TPRX2: variants seen among roughly 807,000 people sequenced by gnomAD.
The protein encoded by TPRX2 is tetrapeptide repeat homeobox protein 2.
At chr19:47,859,998 G>T in the TPRX2 span, 1 of 742,002 alleles carries the variant, frequency 1.3e-6, no homozygotes, top group South Asian at 1.7e-5. Context: ...TGCTATCCGC[G>T]GTGCCGCCCC....
At chr19:47,860,786 C>T in the TPRX2 span, 4 of 1,537,052 alleles carry the variant, frequency 2.6e-6, no homozygotes, top group South Asian at 1.2e-5. Context: ...TTCTCCCTGT[C>T]CCCTCTGCCC....
At chr19:47,859,893 C>G in the TPRX2 span, among the ~76,000 whole-genome samples, 1 of 150,022 alleles carries the variant, frequency 6.7e-6, no homozygotes, top group African/African-American at 2.4e-5. Flanking sequence ...GAGGCGCCTA[C>G]GCTGCCTGCC....
the TPRX2 span, chr19:47,860,696 G>A: frequency 4.5e-6 from 6 of 1,328,040 alleles, no homozygotes; most frequent in Non-Finnish European, 6.1e-6. Context: ...TGCGGGGTGG[G>A]GGTGAACACC....
At chr19:47,860,903 GC>G in the TPRX2 span, 1 of 1,530,890 alleles carries the variant, frequency 6.5e-7, no homozygotes, top group African/African-American at 1.4e-5. Context: ...CCCGCGCTGC[GC>G]CCCTAGTCCC....
chr19:47,860,392 AG>A, the TPRX2 span: 5 of 661,512 alleles, frequency 7.6e-6, no homozygotes, highest in Non-Finnish European at 1.3e-5. Flanking sequence ...CTGCCACGCA[AG>A]GGGTCCCGCC....
At chr19:47,861,271 G>T in the TPRX2 span, 4 of 508,958 alleles carry the variant, frequency 7.9e-6, no homozygotes, top group South Asian at 1.5e-5. Flanking sequence ...GTCCTAGGCC[G>T]AACCCTGATG....
the TPRX2 span, chr19:47,860,872 C>T: frequency 2.0e-6 from 3 of 1,534,384 alleles, no homozygotes; most frequent in Admixed American, 2.0e-5. Flanking sequence ...CAGCGCGTCC[C>T]TGGGCAGAGA....
At chr19:47,861,106 GCCCAATCCCAGCCCCTAT>G in the TPRX2 span, 1 of 708,274 alleles carries the variant, frequency 1.4e-6, no homozygotes. Flanking sequence ...CCAGGCCCTG[GCCCAATCCCAGCCCCTAT>G]CCCAGGCCCA....
chr19:47,859,869 G>A, the TPRX2 span, among the ~76,000 whole-genome samples: 3 of 150,742 alleles, frequency 2.0e-5, no homozygotes, highest in Non-Finnish European at 3.0e-5. Flanking sequence ...AGGCAGCCCC[G>A]TCTGCTCCGA....
the TPRX2 span, among the ~76,000 whole-genome samples, chr19:47,859,463 C>T: frequency 3.5e-4 from 53 of 151,070 alleles, no homozygotes; most frequent in Non-Finnish European, 6.6e-4. Flanking sequence ...CCTGTGATCC[C>T]AGCTCTTTGG....
the TPRX2 span, chr19:47,861,397 C>T: frequency 5.7e-6 from 3 of 524,630 alleles, no homozygotes; most frequent in African/African-American, 3.9e-5. Flanking sequence ...AAGCTGCTCC[C>T]GCTCCTAGAC....
At chr19:47,861,136 C>A in the TPRX2 span, 1 of 696,086 alleles carries the variant, frequency 1.4e-6, no homozygotes. Flanking sequence ...CCAGGCCCAG[C>A]CCAGATCCCA....
the TPRX2 span, chr19:47,860,724 G>T: frequency 1.4e-6 from 2 of 1,453,628 alleles, no homozygotes; most frequent in East Asian, 2.5e-5. Flanking sequence ...TTTTGAGGCC[G>T]GCGCCGCCCC....
chr19:47,861,286 G>T, the TPRX2 span: 6 of 496,556 alleles, frequency 1.2e-5, no homozygotes, highest in Middle Eastern at 3.0e-4. Flanking sequence ...CTGATGCCAG[G>T]CCCAGGATCA....
chr19:47,860,061 G>T, the TPRX2 span: 47 of 1,395,420 alleles, frequency 3.4e-5, no homozygotes, highest in Admixed American at 8.6e-4. Flanking sequence ...GTCCCTAGGG[G>T]GGCTGGGGGC....
the TPRX2 span, chr19:47,860,961 A>C: frequency 7.0e-6 from 10 of 1,421,034 alleles, no homozygotes; most frequent in African/African-American, 1.4e-5. Context: ...CCCGCAGGGC[A>C]GGGGTTCCTG....
chr19:47,860,735 C>G, the TPRX2 span: 1 of 1,479,104 alleles, frequency 6.8e-7, no homozygotes, highest in Non-Finnish European at 9.0e-7. Flanking sequence ...GCGCCGCCCC[C>G]GAGCGGCTCA....
the TPRX2 span, chr19:47,860,097 TC>T: frequency 7.8e-7 from 1 of 1,281,684 alleles, no homozygotes; most frequent in Non-Finnish European, 1.1e-6. Context: ...GTGACCTGTT[TC>T]CCTCCCACCC....
the TPRX2 span, chr19:47,860,329 C>T: frequency 9.2e-6 from 12 of 1,308,876 alleles, no homozygotes; most frequent in African/African-American, 1.6e-5. Context: ...CCCCAAGGAG[C>T]CTCCCCACCG....
Sources: gnomAD v4.1 joint callset for allele counts (sites outside exome capture counted in the v4.1 genomes callset) on GRCh38, gnomAD v4.1.1 for gene constraint, MANE v1.5 for transcripts, NCBI Gene and HGNC (gene_info 2026-07-23, HGNC 2026-07-21) for gene names.